TTC34: variants seen among roughly 807,000 people sequenced by gnomAD.
The protein encoded by TTC34 is tetratricopeptide repeat domain 34.
In TTC34, 44 loss-of-function variants were observed where a neutral mutation model predicts 40.7. The observed-to-expected ratio is 1.08, with a 90% confidence interval of 0.85 to 1.39. The LOEUF is 1.39. TTC34 is among the 40% of genes most tolerant of loss of function. The pLI is 0.00. For synonymous variants in TTC34, 422 were observed against 398.6 expected (o/e 1.06, Z -0.70); for missense variants, 884 against 838.0 (o/e 1.05, Z -0.68).
chr1:2,791,552 C>T (rs997469834), intron 2 of TTC34, among the ~76,000 whole-genome samples: 12 of 152,188 alleles, frequency 7.9e-5, no homozygotes, highest in African/African-American at 1.9e-4. Context: ...TTGCGGTAAG[C>T]GCCGAGTCCA....
At chr1:2,787,333 G>A in intron 4 of TTC34, 148 bp downstream of exon 4, 1 of 618,668 alleles carries the variant, frequency 1.6e-6, no homozygotes, top group Non-Finnish European at 2.5e-6. Context: ...GTGAGGGCCT[G>A]CAGCAGGTGC....
rs1352112880 is a variant in TTC34, at chr1:2,787,471, G to T, written c.1854+10C>A. ...CCACCTGCCCTCTGTCACCCCCCAG[G>T]CCTCCTCACCTGGTTGGCGTCATAG... On this transcript the variant is annotated intron_variant, in intron 4 of 8. Coordinates refer to ENST00000401095, the Ensembl canonical transcript of TTC34. The T allele has an allele frequency of 1.4e-6, 2 of 1,467,340 alleles. No homozygotes were observed. The highest frequency in any genetic ancestry group is 2.7e-5 in the South Asian group (2 of 73,208). 90.9% of individuals were successfully genotyped at this position (1,467,340 alleles called of 1,614,324 possible). A position where few individuals can be genotyped will look rare whatever the true frequency, so the allele number is the denominator to read the frequency against.
chr1:2,686,772 AGCATGTGACAGC>A (rs1640374684), intron 6 of TTC34, among the ~76,000 whole-genome samples: 62 of 139,860 alleles, frequency 4.4e-4, no homozygotes, highest in South Asian at 9.3e-4. Context: ...CCCCCAGGTG[AGCATGTGACAGC>A]CTGGATCAGC....
chr1:2,768,358 C>T (rs1423710627), intron 6 of TTC34, among the ~76,000 whole-genome samples: 1,880 of 151,678 alleles, frequency 0.012, 29 homozygotes, highest in Admixed American at 0.021. Flanking sequence ...CCTGGGGACG[C>T]GTGGAAAACC....
At chr1:2,747,681 AGG>A (rs1569680764) in intron 6 of TTC34, among the ~76,000 whole-genome samples, 3,064 of 97,474 alleles carry the variant, frequency 0.031, no homozygotes, top group Admixed American at 0.046. Context: ...GCAAACCCCC[AGG>A]TGAGCATCTG....
intron 8 of TTC34, among the ~76,000 whole-genome samples, chr1:2,642,318 G>A (rs541565093): frequency 2.4e-4 from 37 of 152,230 alleles, no homozygotes; most frequent in African/African-American, 8.7e-4. Context: ...TCCTCCCTCG[G>A]TCCCTCTGGG....
At position 2,688,531 on chromosome 1, in the gene TTC34, C is replaced by A. The variant is rs534945958; in HGVS notation, c.2227-42968G>T. On this transcript the variant is annotated intron_variant, in intron 6 of 8. Coordinates refer to ENST00000401095, the Ensembl canonical transcript of TTC34. ...TGACAGCCTGTAACAGTACCCACAC[C>A]CACAGGCGAGCACCTGAACCCACGG... Among the ~76,000 whole-genome samples, 4 of 146,106 alleles carry A rather than the reference C, an allele frequency of 2.7e-5. No homozygotes were observed. The South Asian group carries it at 8.4e-4, about 31-fold the overall frequency.
chr1:2,768,563 T>C (rs1641876222), intron 6 of TTC34, among the ~76,000 whole-genome samples: 2 of 151,794 alleles, frequency 1.3e-5, no homozygotes, highest in African/African-American at 4.8e-5. Context: ...TCTGATAGCC[T>C]GGATAGGCAC....
At chr1:2,789,656 T>C in exon 3 of TTC34, 1 of 1,330,600 alleles carries the variant, frequency 7.5e-7, no homozygotes, top group Non-Finnish European at 9.6e-7. Context: ...CACGTAGGCC[T>C]TGGCGGCCAG....
At chr1:2,755,765 C>G (rs1481747730) in intron 6 of TTC34, among the ~76,000 whole-genome samples, 1 of 129,776 alleles carries the variant, frequency 7.7e-6, no homozygotes, top group Non-Finnish European at 1.6e-5. Context: ...CATCTGACAG[C>G]CTGGAACGGC....
In TTC34 at chr1:2,641,549, C is replaced by T. The variant is rs555492817; in HGVS notation, c.3059G>A (p.Gly1020Asp). 1.3e-6 allele frequency: 2 copies of T among 1,533,690 alleles called. No homozygotes were observed. Among genetic ancestry groups the T allele is most frequent in the African/African-American group, 2.7e-5 (2 of 73,110 alleles). Reference sequence around the variant, plus strand: ...GAACATGCGTGCAGTGGGGGCCCGGCCTGGCTGCCTGCACAGGCTGTTCTG... The same window carrying T: ...GAACATGCGTGCAGTGGGGGCCCGGTCTGGCTGCCTGCACAGGCTGTTCTG... The change falls in exon 9 of 9, where the codon GGC becomes GAC. Residue 1020 changes from glycine to aspartate, a missense_variant. Physicochemically the swap from Gly to Asp is moderately conservative, Grantham distance 94. Transcript: ENST00000401095.
chr1:2,687,463 A>G, intron 6 of TTC34, among the ~76,000 whole-genome samples: 1 of 148,112 alleles, frequency 6.8e-6, no homozygotes, highest in South Asian at 2.1e-4. Context: ...TGAGCATCCG[A>G]CAGCCTGGAA....
rs1456170228 is a variant in TTC34, at chr1:2,785,795, TGGGGGCAGGTGGGCA to T, written c.2059+9_2059+23del. On this transcript the variant is annotated intron_variant, in intron 5 of 8. Transcript: ENST00000401095. ...CTGTGCCTGGCACAAGACTGGGCCCTGGGGGCAGGTGGGCAGCTCCTACCTGCGGCAAAGATGGCC... is the reference window on the plus strand; with the variant it reads ...CTGTGCCTGGCACAAGACTGGGCCCTGCTCCTACCTGCGGCAAAGATGGCC... 2 of 1,539,242 alleles carry T rather than the reference TGGGGGCAGGTGGGCA, an allele frequency of 1.3e-6. No individual in the cohort carries two copies.
intron 6 of TTC34, among the ~76,000 whole-genome samples, chr1:2,677,657 G>A (rs1037593514): frequency 1.8e-3 from 23 of 12,828 alleles, no homozygotes; most frequent in Non-Finnish European, 2.9e-3. Flanking sequence ...ACACCCCCAG[G>A]CGAGCATCTG....
intron 4 of TTC34, among the ~76,000 whole-genome samples, chr1:2,786,773 G>A (rs531367879): frequency 3.3e-5 from 5 of 152,162 alleles, no homozygotes; most frequent in African/African-American, 7.2e-5. Context: ...TCCCCTCTCC[G>A]CGACTCCATC....
intron 6 of TTC34, among the ~76,000 whole-genome samples, chr1:2,753,056 C>T (rs1436674568): frequency 0.029 from 3,933 of 137,300 alleles, 2 homozygotes; most frequent in South Asian, 0.058. Flanking sequence ...CACCCACACC[C>T]CCAGGTGAGC....
In TTC34 at chr1:2,692,412, C is replaced by A. The variant is rs1401145766; in HGVS notation, c.2227-46849G>T. 2.1e-5 allele frequency among the ~76,000 whole-genome samples: 2 copies of A among 96,106 alleles called. 1 individual carries two copies. Among genetic ancestry groups the A allele is most frequent in the Non-Finnish European group, 4.9e-5 (2 of 40,962 alleles). 63.0% of individuals were successfully genotyped at this position (96,106 alleles called of 152,430 possible). On this transcript the variant is annotated intron_variant, in intron 6 of 8. Transcript: ENST00000401095. ...CAGGTGAGCATCTGGCAGCCTGGAGCAGCACCCACACCCCCAGGTGAGCAT... is the reference window on the plus strand; with the variant it reads ...CAGGTGAGCATCTGGCAGCCTGGAGAAGCACCCACACCCCCAGGTGAGCAT...
chr1:2,646,550 C>A (rs764100203), intron 6 of TTC34, among the ~76,000 whole-genome samples: 2 of 152,184 alleles, frequency 1.3e-5, no homozygotes, highest in South Asian at 4.2e-4. Flanking sequence ...ACACCCAGCT[C>A]ATTTTAAAAT....
intron 6 of TTC34, among the ~76,000 whole-genome samples, chr1:2,750,578 T>A (rs1641285112): frequency 2.7e-5 from 4 of 149,272 alleles, no homozygotes; most frequent in Non-Finnish European, 5.9e-5. Context: ...CAGGTGAGCA[T>A]CTGACATCGT....
Sources: gnomAD v4.1 joint callset for allele counts (sites outside exome capture counted in the v4.1 genomes callset) on GRCh38, gnomAD v4.1.1 for gene constraint, MANE v1.5 for transcripts, NCBI Gene and HGNC (gene_info 2026-07-23, HGNC 2026-07-21) for gene names.